The following USP34 variants were observed in gnomAD, a reference collection of about 807,000 sequenced individuals.
USP34 encodes the protein ubiquitin specific peptidase 34.
USP34 carries 70 observed loss-of-function variants against 460.3 expected under a neutral mutation model. That is an observed-to-expected ratio of 0.15 (90% CI 0.13 to 0.19). USP34 has a LOEUF of 0.19. Among genes scored for constraint, USP34 ranks in the 10% least tolerant of loss-of-function variants. The pLI, the probability that USP34 is intolerant of heterozygous loss-of-function variation, is 1.00. For synonymous variants in USP34, 1,647 were observed against 1,405.3 expected (o/e 1.17, Z -3.85); for missense variants, 3,985 against 4,236.2 (o/e 0.94, Z 1.65).
chr2:61,238,473 G>A (rs1688137003), intron 53 of USP34, among the ~76,000 whole-genome samples: 1 of 152,058 alleles, frequency 6.6e-6, no homozygotes. Flanking sequence ...TCTGAGAACT[G>A]TTACCTTCTA....
At chr2:61,293,388 A>G (rs1689922468) in intron 33 of USP34, 76 bp downstream of exon 33, 2 of 1,132,256 alleles carry the variant, frequency 1.8e-6, no homozygotes, top group Admixed American at 2.0e-5. Flanking sequence ...GGCAAAAGCT[A>G]TACTTGCTGA....
At chr2:61,258,193 A>C (rs1314186584) in intron 44 of USP34, among the ~76,000 whole-genome samples, 1 of 152,116 alleles carries the variant, frequency 6.6e-6, no homozygotes, top group Non-Finnish European at 1.5e-5. Context: ...GTCTCTACAA[A>C]AAATAAAGAA....
intron 22 of USP34, among the ~76,000 whole-genome samples, chr2:61,318,594 C>A (rs1001716418): frequency 2.0e-5 from 3 of 152,168 alleles, no homozygotes; most frequent in African/African-American, 7.2e-5. Context: ...ATTATTTTCA[C>A]TGAGTTTCAA....
At chr2:61,253,217 G>A (rs1688633192) in intron 48 of USP34, among the ~76,000 whole-genome samples, 1 of 152,196 alleles carries the variant, frequency 6.6e-6, no homozygotes, top group African/African-American at 2.4e-5. Flanking sequence ...GGAGAGATGT[G>A]ACAGGTATTT....
chr2:61,362,303 T>A (rs1343406043), intron 10 of USP34, among the ~76,000 whole-genome samples: 1 of 152,172 alleles, frequency 6.6e-6, no homozygotes, highest in Non-Finnish European at 1.5e-5. Context: ...CAATCCCACT[T>A]TGGATACATA....
intron 21 of USP34, among the ~76,000 whole-genome samples, chr2:61,322,281 G>C (rs1350981438): frequency 1.3e-5 from 2 of 151,998 alleles, no homozygotes; most frequent in Admixed American, 1.3e-4. Flanking sequence ...TTATGATGAA[G>C]AAAGCAAAAG....
In USP34 at chr2:61,342,805, C is replaced by T. The variant is rs533449597; in HGVS notation, c.2500+1010G>A. Among the ~76,000 whole-genome samples, 4 of 152,194 alleles carry T rather than the reference C, an allele frequency of 2.6e-5. No homozygotes were observed. The South Asian group carries it at 8.3e-4, about 32-fold the overall frequency. On this transcript the variant is annotated intron_variant, in intron 16 of 79. Coordinates refer to ENST00000398571, the MANE Select transcript of USP34 (RefSeq NM_014709.4). ...CTACAATGGGTTGTGAAAAGAAAAC[C>T]ATTTTGTTCAATTTCTAACTCCACG...
intron 77 of USP34, 41 bp from the exon 78 acceptor site, chr2:61,190,455 T>C (rs760092196): frequency 1.2e-6 from 2 of 1,602,906 alleles, no homozygotes; most frequent in Non-Finnish European, 8.5e-7. Flanking sequence ...AAGACCAGCA[T>C]AATGAAACCA....
chr2:61,452,945 G>A (rs1325478908), intron 1 of USP34, among the ~76,000 whole-genome samples: 3 of 148,080 alleles, frequency 2.0e-5, no homozygotes, highest in Non-Finnish European at 3.0e-5. Context: ...AACTTTGCAG[G>A]AACAAATATA....
At chr2:61,368,163 T>C (rs922304518) in intron 10 of USP34, among the ~76,000 whole-genome samples, 3 of 152,112 alleles carry the variant, frequency 2.0e-5, no homozygotes, top group African/African-American at 7.2e-5. Flanking sequence ...GCCGGGCCCA[T>C]TGGCTCACGC....
chr2:61,368,956 GACACATAAAGAACTCCTACAA>G (rs1463372902), intron 10 of USP34, among the ~76,000 whole-genome samples: 4 of 151,930 alleles, frequency 2.6e-5, no homozygotes, highest in African/African-American at 9.7e-5. Context: ...CAACTTCAGT[GACACATAAAGAACTCCTACAA>G]ATAAAAAAAA....
At chr2:61,464,003 A>G (rs1223468023) in intron 1 of USP34, among the ~76,000 whole-genome samples, 1 of 152,214 alleles carries the variant, frequency 6.6e-6, no homozygotes, top group Non-Finnish European at 1.5e-5. Context: ...AGCAGCATGC[A>G]AAGCATGTAA....
intron 8 of USP34, among the ~76,000 whole-genome samples, chr2:61,376,727 C>A (rs940412250): frequency 7.6e-6 from 1 of 131,538 alleles, no homozygotes; most frequent in Non-Finnish European, 1.7e-5. Flanking sequence ...CGGGTCACTG[C>A]AATCTCTGTC....
intron 35 of USP34, among the ~76,000 whole-genome samples, chr2:61,284,070 C>G (rs1009030113): frequency 4.0e-5 from 6 of 151,824 alleles, no homozygotes; most frequent in African/African-American, 9.7e-5. Flanking sequence ...AAAAACAAAC[C>G]AAATAAAAGA....
At chr2:61,232,079 C>T (rs1389107805) in intron 58 of USP34, among the ~76,000 whole-genome samples, 1 of 151,980 alleles carries the variant, frequency 6.6e-6, no homozygotes, top group Admixed American at 6.6e-5. Context: ...TAAGTTACAG[C>T]CTTTTCATTA....
At position 61,413,126 on chromosome 2, in the gene USP34, T is replaced by C. The variant is rs1466993415; in HGVS notation, c.132-6998A>G. Among the ~76,000 whole-genome samples the C allele has an allele frequency of 2.6e-5, 4 of 152,142 alleles. No individual in the cohort carries two copies. The East Asian group carries it at 5.8e-4, about 22-fold the overall frequency. Reference sequence around the variant, plus strand: ...AGAGTATCAAGGAGGCCGGGCGCGGTGGCTCATGCCTGTAATCCCAGCACT... The same window carrying C: ...AGAGTATCAAGGAGGCCGGGCGCGGCGGCTCATGCCTGTAATCCCAGCACT... On this transcript the variant is annotated intron_variant, in intron 2 of 79. Transcript: ENST00000398571.
intron 7 of USP34, among the ~76,000 whole-genome samples, chr2:61,379,417 G>C (rs1692906625): frequency 6.6e-6 from 1 of 152,136 alleles, no homozygotes; most frequent in Non-Finnish European, 1.5e-5. Context: ...CTACTCAGGA[G>C]GCTGAGGCAA....
chr2:61,358,833 C>T (rs1224075311), intron 10 of USP34, among the ~76,000 whole-genome samples: 5 of 151,824 alleles, frequency 3.3e-5, no homozygotes, highest in Admixed American at 6.6e-5. Context: ...ATGAACAATC[C>T]GAAAAGAAAA....
At chr2:61,191,390 T>TTATATA (rs60008357) in intron 76 of USP34, 18 of 148,848 alleles carry the variant, frequency 1.2e-4, no homozygotes, top group African/African-American at 4.2e-4. Flanking sequence ...AAAATTTAGA[T>TTATATA]TATATATATA....
Sources: gnomAD v4.1 joint callset for allele counts (sites outside exome capture counted in the v4.1 genomes callset) on GRCh38, gnomAD v4.1.1 for gene constraint, MANE v1.5 for transcripts, NCBI Gene and HGNC (gene_info 2026-07-23, HGNC 2026-07-21) for gene names.